Variants in ASAP1 observed in about 807,000 individuals in gnomAD.
The protein encoded by ASAP1 is arf-GAP with SH3 domain, ANK repeat and PH domain-containing protein 1.
A neutral mutation model predicts 145.2 loss-of-function variants in ASAP1; 43 were observed. The observed-to-expected ratio is 0.30, with a 90% CI of 0.23 to 0.38. The LOEUF is 0.38. ASAP1 is among the 10% of genes least tolerant of loss of function. The pLI, the probability that ASAP1 is intolerant of heterozygous loss-of-function variation, is 1.00. For missense variants in ASAP1, 1,018 were observed against 1,355.3 expected (o/e 0.75, Z 3.91); for synonymous variants, 546 against 515.5 (o/e 1.06, Z -0.80).
At chr8:130,435,454 C>T (rs1830280358) in intron 1 of ASAP1, among the ~76,000 whole-genome samples, 1 of 152,234 alleles carries the variant, frequency 6.6e-6, no homozygotes, top group South Asian at 2.1e-4. Context: ...CCAGCAGGCA[C>T]TGCAGCAGGT....
chr8:130,336,570 T>A (rs756816367), intron 3 of ASAP1, among the ~76,000 whole-genome samples: 1 of 152,150 alleles, frequency 6.6e-6, no homozygotes, highest in African/African-American at 2.4e-5. Flanking sequence ...GCACTTTACA[T>A]GGGTAAAAGA....
intron 24 of ASAP1, among the ~76,000 whole-genome samples, chr8:130,102,285 T>G (rs2097530086): frequency 6.6e-6 from 1 of 152,262 alleles, no homozygotes; most frequent in South Asian, 2.1e-4. Flanking sequence ...ATACCTAATT[T>G]ATTGAAGGTT....
At chr8:130,187,362 T>C in intron 6 of ASAP1, 77 bp from the exon 7 acceptor site, 1 of 1,218,238 alleles carries the variant, frequency 8.2e-7, no homozygotes, top group African/African-American at 1.5e-5. Context: ...AATGACATCT[T>C]AGCAAGAATT....
chr8:130,213,819 C>G (rs1364101863), intron 5 of ASAP1, among the ~76,000 whole-genome samples: 1 of 152,150 alleles, frequency 6.6e-6, no homozygotes, highest in Non-Finnish European at 1.5e-5. Flanking sequence ...TGGTGTTACC[C>G]AGAACCTTTC....
At chr8:130,208,797 C>G (rs1816394548) in intron 5 of ASAP1, 2 of 152,132 alleles carry the variant, frequency 1.3e-5, no homozygotes, top group Admixed American at 1.3e-4. Context: ...AAGTCATATT[C>G]TTTTGAACTT....
At chr8:130,205,591 CTTTTT>C (rs10679649) in intron 5 of ASAP1, among the ~76,000 whole-genome samples, 1 of 119,252 alleles carries the variant, frequency 8.4e-6, no homozygotes, top group Non-Finnish European at 1.7e-5. Context: ...AAATACACGG[CTTTTT>C]TTTTTTTTTT....
At chr8:130,086,885 T>C (rs939849420) in intron 25 of ASAP1, among the ~76,000 whole-genome samples, 1 of 152,150 alleles carries the variant, frequency 6.6e-6, no homozygotes, top group Non-Finnish European at 1.5e-5. Context: ...ATGAAGGAAG[T>C]GTGGCCTTCT....
At chr8:130,065,469 G>C (rs987165488) in intron 27 of ASAP1, among the ~76,000 whole-genome samples, 1 of 152,136 alleles carries the variant, frequency 6.6e-6, no homozygotes, top group African/African-American at 2.4e-5. Flanking sequence ...CCACAAGATG[G>C]GAAAAGATTA....
chr8:130,258,881 C>T (rs769045921), intron 3 of ASAP1, among the ~76,000 whole-genome samples: 8 of 152,134 alleles, frequency 5.3e-5, no homozygotes, highest in Admixed American at 3.3e-4. Flanking sequence ...GTCCTTGTTT[C>T]GATTCCCATG....
chr8:130,173,726 C>T (rs1305051276), intron 9 of ASAP1, among the ~76,000 whole-genome samples: 2 of 151,178 alleles, frequency 1.3e-5, no homozygotes, highest in East Asian at 3.9e-4. Context: ...TAGGATTGTA[C>T]CACTGCACTC....
intron 2 of ASAP1, among the ~76,000 whole-genome samples, chr8:130,373,146 A>ACACG (rs1827307811): frequency 6.7e-6 from 1 of 148,804 alleles, no homozygotes; most frequent in African/African-American, 2.5e-5. Flanking sequence ...ACACACACAC[A>ACACG]CACAGAGTCT....
intron 15 of ASAP1, among the ~76,000 whole-genome samples, chr8:130,128,580 G>A (rs376787342): frequency 2.8e-4 from 42 of 152,174 alleles, no homozygotes; most frequent in African/African-American, 9.9e-4. Flanking sequence ...TGAAAATGAA[G>A]GGATATTTCA....
At chr8:130,060,064 C>T (rs905254987) in intron 28 of ASAP1, among the ~76,000 whole-genome samples, 3 of 130,588 alleles carry the variant, frequency 2.3e-5, no homozygotes, top group Non-Finnish European at 4.6e-5. Flanking sequence ...GGCGACAGAG[C>T]GAGCCCTTCT....
At chr8:130,175,827 G>T (rs762111028) in intron 9 of ASAP1, among the ~76,000 whole-genome samples, 1 of 152,156 alleles carries the variant, frequency 6.6e-6, no homozygotes, top group African/African-American at 2.4e-5. Context: ...GAAAACACAT[G>T]TAAGGAACTT....
chr8:130,346,690 C>A (rs1825722671), intron 3 of ASAP1, among the ~76,000 whole-genome samples: 1 of 151,270 alleles, frequency 6.6e-6, no homozygotes, highest in South Asian at 2.1e-4. Context: ...AATGCAGAAG[C>A]CTTGGGATGT....
In ASAP1 at chr8:130,052,396, A is replaced by G. The variant is rs1221885588; in HGVS notation, c.*2335T>C. ...AGAACATAACTTTCCCCTCTGGGGG[A>G]AAAAGAACTAATTTGCTATTTTTTT... On this transcript the variant is annotated 3_prime_UTR_variant, in exon 30 of 30. Transcript: ENST00000518721. The G allele has an allele frequency of 6.6e-6, 1 of 152,496 alleles. No homozygotes were observed. Among genetic ancestry groups the G allele is most frequent in the Non-Finnish European group, 1.5e-5 (1 of 68,046 alleles). 9.4% of individuals were successfully genotyped at this position (152,496 alleles called of 1,614,324 possible). A position where few individuals can be genotyped will look rare whatever the true frequency, so the allele number is the denominator to read the frequency against.
At chr8:130,072,824 T>TGTGTGTGTGTGTGCGCGTGCGCGCGCGC in intron 27 of ASAP1, among the ~76,000 whole-genome samples, 1 of 32,282 alleles carries the variant, frequency 3.1e-5, no homozygotes, top group African/African-American at 1.2e-4. Flanking sequence ...TGTGTGTGTG[T>TGTGTGTGTGTGTGCGCGTGCGCGCGCGC]GCGCGCGGGG....
chr8:130,351,171 G>A (rs1479440593), intron 3 of ASAP1, among the ~76,000 whole-genome samples: 1 of 152,204 alleles, frequency 6.6e-6, no homozygotes, highest in African/African-American at 2.4e-5. Flanking sequence ...ATTAATAGAT[G>A]CCTTTCTCAC....
At chr8:130,342,367 C>T (rs1825438934) in intron 3 of ASAP1, among the ~76,000 whole-genome samples, 1 of 152,170 alleles carries the variant, frequency 6.6e-6, no homozygotes, top group Non-Finnish European at 1.5e-5. Flanking sequence ...CTCAGAACAT[C>T]CAGTAACAGA....
Sources: gnomAD v4.1 joint callset for allele counts (sites outside exome capture counted in the v4.1 genomes callset) on GRCh38, gnomAD v4.1.1 for gene constraint, MANE v1.5 for transcripts, NCBI Gene and HGNC (gene_info 2026-07-23, HGNC 2026-07-21) for gene names.